The following ATXN8OS variants were observed in gnomAD, a reference collection of about 807,000 sequenced individuals.
The protein encoded by ATXN8OS is ATXN8 opposite strand (non-protein coding).
intron 1 of ATXN8OS, among the ~76,000 whole-genome samples, chr13:70,114,190 T>C (rs1490003714): frequency 6.6e-6 from 1 of 152,166 alleles, no homozygotes; most frequent in Non-Finnish European, 1.5e-5. Flanking sequence ...CCAGTCAGGA[T>C]GCTTTTGGCT....
At chr13:70,153,014 CTGTGTGTGTGTGTGTGTGTGTGTG>C (rs66574752) in intron 4 of ATXN8OS, among the ~76,000 whole-genome samples, 2 of 141,804 alleles carry the variant, frequency 1.4e-5, no homozygotes, top group Non-Finnish European at 3.1e-5. Context: ...TAAGAAAAAA[CTGTGTGTGTGTGTGTGTGTGTGTG>C]TGTGTGTGTG....
In ATXN8OS at chr13:70,114,510, G is replaced by C. The variant is rs148209448; in HGVS notation, n.241-631G>C. Reference sequence around the variant, plus strand: ...TGTGATGTCTAGGACAAAATTACAAGTAAAATAATAGCGGCAAAAGGAATG... The same window carrying C: ...TGTGATGTCTAGGACAAAATTACAACTAAAATAATAGCGGCAAAAGGAATG... On this transcript the variant is annotated intron_variant and non_coding_transcript_variant, in intron 1 of 4. Transcript: ENST00000678624. Among the ~76,000 whole-genome samples, 130 of 152,142 alleles carry C rather than the reference G, an allele frequency of 8.5e-4. 1 individual carries two copies. The highest frequency in any genetic ancestry group is 3.0e-3 in the African/African-American group (124 of 41,526).
rs1325793880 is a variant in ATXN8OS at position 70,115,174 on chromosome 13, G to A, written n.274G>A. ...GCTGGGAAGTTCAAGACCAATGCAC[G>A]AGAATTTGGTCTAAAGAGAATCTTC... On this transcript the variant is annotated non_coding_transcript_exon_variant, in exon 2 of 5. Transcript: ENST00000678624. The A allele has an allele frequency of 3.0e-5, 12 of 398,326 alleles. No individual in the cohort carries two copies. In the South Asian group the frequency reaches 3.8e-4, roughly 13 times the overall value. The allele number at this position is 398,326 out of a possible 1,614,324, so 24.7% of individuals were successfully genotyped here. A position where few individuals can be genotyped will look rare whatever the true frequency, so the allele number is the denominator to read the frequency against.
chr13:70,119,056 T>C (rs1386835385), intron 2 of ATXN8OS, among the ~76,000 whole-genome samples: 2 of 152,096 alleles, frequency 1.3e-5, no homozygotes, highest in African/African-American at 4.8e-5. Flanking sequence ...TGCTCAGCCC[T>C]GTGCAGTCAA....
At chr13:70,108,452 C>A (rs1477214413) in intron 1 of ATXN8OS, 1 of 146,272 alleles carries the variant, frequency 6.8e-6, no homozygotes, top group Non-Finnish European at 1.5e-5. Context: ...CCTCACAGTA[C>A]AATTTTCTCT....
At chr13:70,131,049 A>T (rs1888525936) in intron 3 of ATXN8OS, 3 of 398,410 alleles carry the variant, frequency 7.5e-6, no homozygotes, top group Non-Finnish European at 1.3e-5. Flanking sequence ...TCAACAGGTG[A>T]TTATTCTTTG....
At chr13:70,140,080 C>G (rs1045150489) in intron 3 of ATXN8OS, among the ~76,000 whole-genome samples, 18 of 151,958 alleles carry the variant, frequency 1.2e-4, no homozygotes, top group Non-Finnish European at 2.4e-4. Flanking sequence ...CTGACTGAAT[C>G]AAGAAAAAGT....
rs80264910 is a variant in ATXN8OS at position 70,113,805 on chromosome 13, A to G, written n.241-1336A>G. 8.3e-4 allele frequency among the ~76,000 whole-genome samples: 127 copies of G among 152,268 alleles called. No homozygotes were observed. In the East Asian group the frequency reaches 0.022, roughly 27 times the overall value. ...AAACTTTATATTTTCATTCACCTGCATTATTACCAGATCTTTTAAAAATCT... is the reference window on the plus strand; with the variant it reads ...AAACTTTATATTTTCATTCACCTGCGTTATTACCAGATCTTTTAAAAATCT... On this transcript the variant is annotated intron_variant and non_coding_transcript_variant, in intron 1 of 4. Coordinates refer to ENST00000678624, the Ensembl canonical transcript of ATXN8OS.
chr13:70,138,323 T>A (rs1888647766), intron 3 of ATXN8OS, among the ~76,000 whole-genome samples: 1 of 150,898 alleles, frequency 6.6e-6, no homozygotes. Flanking sequence ...AGATTTAAAT[T>A]AAAAAAAAAA....
chr13:70,165,792 G>GGAAATA (rs1199960259), intron 4 of ATXN8OS, among the ~76,000 whole-genome samples: 1 of 151,684 alleles, frequency 6.6e-6, no homozygotes, highest in African/African-American at 2.4e-5. Flanking sequence ...GAAGATATGT[G>GGAAATA]GAAATATTTA....
At chr13:70,160,375 T>C (rs192507778) in intron 4 of ATXN8OS, among the ~76,000 whole-genome samples, 136 of 151,996 alleles carry the variant, frequency 8.9e-4, no homozygotes, top group Middle Eastern at 6.8e-3. Context: ...AGAAATGTAT[T>C]TCTCACAGCT....
At chr13:70,115,092 C>T in intron 1 of ATXN8OS, 1 of 396,784 alleles carries the variant, frequency 2.5e-6, no homozygotes, top group Non-Finnish European at 4.4e-6. Context: ...TATAACAGAA[C>T]ACTACATACT....
chr13:70,112,920 A>ATATATATATTT (rs1555298511), intron 1 of ATXN8OS, among the ~76,000 whole-genome samples: 48 of 87,560 alleles, frequency 5.5e-4, no homozygotes, highest in East Asian at 2.1e-3. Context: ...TATATATATA[A>ATATATATATTT]TTTTTTTTTT....
intron 2 of ATXN8OS, among the ~76,000 whole-genome samples, chr13:70,117,392 G>C (rs2137472480): frequency 6.6e-6 from 1 of 152,046 alleles, no homozygotes; most frequent in East Asian, 1.9e-4. Flanking sequence ...GCTTTTTCCT[G>C]GTGCATTTCA....
chr13:70,167,516 G>T (rs550139489), intron 4 of ATXN8OS, among the ~76,000 whole-genome samples: 6 of 151,806 alleles, frequency 4.0e-5, no homozygotes, highest in Admixed American at 1.3e-4. Flanking sequence ...GTTGTGGTGT[G>T]GGGGGAGGGA....
chr13:70,155,918 T>C (rs1480568065), intron 4 of ATXN8OS, among the ~76,000 whole-genome samples: 2 of 152,194 alleles, frequency 1.3e-5, no homozygotes, highest in African/African-American at 4.8e-5. Context: ...CTTTCTCTTA[T>C]ATAAATGCTT....
At chr13:70,118,192 G>T (rs1199533637) in intron 2 of ATXN8OS, among the ~76,000 whole-genome samples, 1 of 152,052 alleles carries the variant, frequency 6.6e-6, no homozygotes, top group African/African-American at 2.4e-5. Flanking sequence ...TCTCCTGTGA[G>T]TTGGGAGAAT....
chr13:70,131,403 ATCTG>A, intron 3 of ATXN8OS: 1 of 398,512 alleles, frequency 2.5e-6, no homozygotes, highest in Non-Finnish European at 4.4e-6. Context: ...CGTGACACGT[ATCTG>A]TCTCAGTTTA....
At chr13:70,134,193 T>C (rs1888575386) in intron 3 of ATXN8OS, among the ~76,000 whole-genome samples, 1 of 152,200 alleles carries the variant, frequency 6.6e-6, no homozygotes, top group Non-Finnish European at 1.5e-5. Flanking sequence ...GCCATCCGTA[T>C]TGTCAAACTA....
Sources: allele counts gnomAD v4.1 joint callset (sites outside exome capture counted in the v4.1 genomes callset), GRCh38; gene constraint gnomAD v4.1.1; transcripts MANE v1.5; gene names NCBI Gene and HGNC (gene_info 2026-07-23, HGNC 2026-07-21).